Variants in FBLN5 observed in about 807,000 individuals in gnomAD.
The protein encoded by FBLN5 is fibulin 5.
In FBLN5, 24 loss-of-function variants were observed where a neutral mutation model predicts 61.6. That is an observed-to-expected ratio of 0.39 (90% CI 0.28 to 0.55). The LOEUF is 0.55. FBLN5 is among the 20% of genes least tolerant of loss of function. The pLI, the probability that FBLN5 is intolerant of heterozygous loss-of-function variation, is 0.65. For missense variants in FBLN5, 470 were observed against 594.1 expected, an observed-to-expected ratio of 0.79 and a Z score of 2.17; for synonymous variants, 213 against 219.8, an observed-to-expected ratio of 0.97 and a Z score of 0.27.
intron 2 of FBLN5, 89 bp from the exon 3 acceptor site, chr14:91,940,705 G>A (rs1048464578): frequency 3.4e-6 from 4 of 1,172,308 alleles, no homozygotes; most frequent in African/African-American, 3.0e-5. Context: ...GGGAAATGGA[G>A]CAAAAAAGAA....
rs537696107 is a variant in FBLN5 at position 91,932,379 on chromosome 14, AAG to A, written c.379+4566_379+4567del. On this transcript the variant is annotated intron_variant, in intron 4 of 10. Coordinates refer to ENST00000342058, the MANE Select transcript of FBLN5 (RefSeq NM_006329.4). ...TAGTCACCTCCAAAGTGGAACCAAA[AAG>A]AGAAAAATTGAGGAGGAAGCTCTGA... Among the ~76,000 whole-genome samples, 16 of 152,302 alleles carry A rather than the reference AAG, an allele frequency of 1.1e-4. No individual in the cohort carries two copies. The East Asian group carries it at 2.7e-3, about 26-fold the overall frequency.
chr14:91,920,427 C>A (rs1272660769), intron 4 of FBLN5, among the ~76,000 whole-genome samples: 1 of 152,194 alleles, frequency 6.6e-6, no homozygotes, highest in Non-Finnish European at 1.5e-5. Context: ...CATCCTTCAA[C>A]CACGGAGAAG....
At chr14:91,881,666 G>T (rs182995145) in intron 8 of FBLN5, among the ~76,000 whole-genome samples, 5 of 152,136 alleles carry the variant, frequency 3.3e-5, no homozygotes, top group Non-Finnish European at 7.3e-5. Context: ...AGTGGCTTAC[G>T]TCTGTAATCC....
chr14:91,907,560 G>A (rs1473939348), intron 4 of FBLN5, among the ~76,000 whole-genome samples: 1 of 152,040 alleles, frequency 6.6e-6, no homozygotes, highest in Admixed American at 6.5e-5. Flanking sequence ...AGCTTCACTG[G>A]AGCAGTTAAA....
rs910896766 is a variant in FBLN5, at chr14:91,943,992, C to T, written c.18-1031G>A. On this transcript the variant is annotated intron_variant, in intron 1 of 10. Coordinates refer to ENST00000342058, the MANE Select transcript of FBLN5 (RefSeq NM_006329.4). The surrounding 1 kb of genome is among the most constrained non-coding windows in gnomAD (Gnocchi z 4.0). ...CTGCAACTCTGCCCTTCGCCACGCACAGGCTTTAATCCAGTAAGATTGTGG... is the reference window on the plus strand; with the variant it reads ...CTGCAACTCTGCCCTTCGCCACGCATAGGCTTTAATCCAGTAAGATTGTGG... Among the ~76,000 whole-genome samples the T allele has an allele frequency of 2.0e-5, 3 of 152,188 alleles. No homozygotes were observed. Among genetic ancestry groups the T allele is most frequent in the African/African-American group, 7.2e-5 (3 of 41,460 alleles).
intron 10 of FBLN5, among the ~76,000 whole-genome samples, chr14:91,871,562 A>T (rs1198786138): frequency 1.3e-5 from 2 of 152,138 alleles, no homozygotes; most frequent in African/African-American, 4.8e-5. Context: ...CTGCTTATTT[A>T]ATCCTCATAA....
Position 91,941,852 on chromosome 14 carries a change from G to A in FBLN5, c.72+1055C>T, listed in dbSNP as rs562895094. On this transcript the variant is annotated intron_variant, in intron 2 of 10. Coordinates refer to ENST00000342058, the MANE Select transcript of FBLN5 (RefSeq NM_006329.4). ...TTAATCTATATAACGTGCCTAAAGT[G>A]CAGTAAACACGACCCTGAACCTCTG... Among the ~76,000 whole-genome samples the A allele has an allele frequency of 3.3e-5, 5 of 152,296 alleles. No individual in the cohort carries two copies. The South Asian group carries it at 1.0e-3, about 32-fold the overall frequency.
At position 91,882,891 on chromosome 14, in the gene FBLN5, G is replaced by A; in HGVS notation, c.862+63C>T. 1.3e-6 allele frequency: 2 copies of A among 1,590,022 alleles called. No homozygotes were observed. The highest frequency in any genetic ancestry group is 1.7e-6 in the Non-Finnish European group (2 of 1,162,442). ...ATTCCCCAGGTGAGGATATCCAGAT[G>A]AGCCCCTGAAGCAGCTCCACCTCAC... On this transcript the variant is annotated intron_variant, in intron 8 of 10. Coordinates refer to ENST00000342058, the MANE Select transcript of FBLN5 (RefSeq NM_006329.4). This position sits in a 1 kb window ranked among gnomAD's most constrained non-coding sequence, Gnocchi z 4.9.
At chr14:91,937,258 G>T in intron 3 of FBLN5, 57 bp from the exon 4 acceptor site, 1 of 1,609,172 alleles carries the variant, frequency 6.2e-7, no homozygotes, top group Non-Finnish European at 8.5e-7. Flanking sequence ...TGTGTCCGGT[G>T]CATATTTAAG....
chr14:91,887,496 G>A (rs757839553), intron 6 of FBLN5, among the ~76,000 whole-genome samples, 184 bp from the exon 7 acceptor site: 11 of 152,048 alleles, frequency 7.2e-5, no homozygotes, highest in East Asian at 1.9e-4. Context: ...CTTAAGGACC[G>A]GGGCCTCCAT....
chr14:91,946,730 T>A, intron 1 of FBLN5: 1 of 1,536,028 alleles, frequency 6.5e-7, no homozygotes, highest in Non-Finnish European at 8.7e-7. Flanking sequence ...TGTCTGCAGT[T>A]CCCACTTCTC....
At chr14:91,914,763 A>AT (rs1328103758) in intron 4 of FBLN5, among the ~76,000 whole-genome samples, 1 of 152,016 alleles carries the variant, frequency 6.6e-6, no homozygotes, top group Non-Finnish European at 1.5e-5. Context: ...AAAGCAAAAT[A>AT]TTTCTTTTTG....
chr14:91,947,183 A>G lies in FBLN5; in HGVS notation c.17+30T>C, dbSNP rs778838139. ...TTTTAGCAAGGCTTCCAGACCCTGG[A>G]GAAAGAAAAGTCCAGCGCCGAGAAC... On this transcript the variant is annotated intron_variant, in intron 1 of 10. Coordinates refer to ENST00000342058, the MANE Select transcript of FBLN5 (RefSeq NM_006329.4). This position sits in a 1 kb window ranked among gnomAD's most constrained non-coding sequence, Gnocchi z 4.3. 3 of 1,613,944 alleles carry G rather than the reference A, an allele frequency of 1.9e-6. No homozygotes were observed. In the African/African-American group the frequency reaches 4.0e-5, roughly 22 times the overall value.
rs149656123 is a variant in FBLN5 at position 91,876,882 on chromosome 14, C to A, written c.1185+605G>T. ...TCGCTCTGTTGCCCAGATTGGAGTA[C>A]AGTGGTGTGATCTCAGCTCACTGCA... On this transcript the variant is annotated intron_variant, in intron 10 of 10. Coordinates refer to ENST00000342058, the MANE Select transcript of FBLN5 (RefSeq NM_006329.4). 7.5e-3 allele frequency among the ~76,000 whole-genome samples: 1,141 copies of A among 152,266 alleles called. 9 individuals are homozygous for A. Among genetic ancestry groups the A allele is most frequent in the South Asian group, 0.026 (125 of 4,816 alleles).
chr14:91,874,557 A>G (rs2284339), intron 10 of FBLN5: 61,195 of 152,000 alleles, frequency 0.4, 13,837 homozygotes, highest in East Asian at 0.55. Context: ...CTAGTCGGGC[A>G]GGTTGCTTAG....
rs1257539756 is a variant in FBLN5, at chr14:91,877,474, CACTCCCT to C, written c.1185+6_1185+12del. 9.3e-6 allele frequency: 15 copies of C among 1,608,240 alleles called. No homozygotes were observed. Among genetic ancestry groups the C allele is most frequent in the Admixed American group, 1.7e-5 (1 of 59,998 alleles). On this transcript the variant is annotated splice_donor_region_variant and intron_variant, in intron 10 of 10. Transcript: ENST00000342058. Reference sequence around the variant, plus strand: ...TGTTACAGATGGCGTCCCCACTCCCCACTCCCTCTTACCCGCATGTAAAATTCTCTGC... The same window carrying C: ...TGTTACAGATGGCGTCCCCACTCCCCCTTACCCGCATGTAAAATTCTCTGC...
chr14:91,924,681 T>C (rs898119123), intron 4 of FBLN5, among the ~76,000 whole-genome samples: 6 of 151,856 alleles, frequency 4.0e-5, no homozygotes, highest in Non-Finnish European at 8.8e-5. Flanking sequence ...AAAAATACAA[T>C]GGCGAATAAG....
intron 4 of FBLN5, among the ~76,000 whole-genome samples, chr14:91,934,447 A>G (rs1343155618): frequency 1.3e-5 from 2 of 152,184 alleles, no homozygotes; most frequent in East Asian, 3.9e-4. Flanking sequence ...TATGAGGATC[A>G]AGCGCATTAA....
At chr14:91,877,437 G>A in intron 10 of FBLN5, 50 bp downstream of exon 10, 1 of 1,449,814 alleles carries the variant, frequency 6.9e-7, no homozygotes, top group Non-Finnish European at 9.7e-7. Context: ...AGGAGAGACA[G>A]CACAAGGCCA....
Sources: allele counts gnomAD v4.1 joint callset (sites outside exome capture counted in the v4.1 genomes callset), GRCh38; gene constraint gnomAD v4.1.1; non-coding constraint Gnocchi (gnomAD v3.1); transcripts MANE v1.5; gene names NCBI Gene and HGNC (gene_info 2026-07-23, HGNC 2026-07-21).